Variants in ANKRD18B observed in about 807,000 individuals in gnomAD.
ANKRD18B encodes the protein ankyrin repeat domain-containing protein 18B.
Under a neutral mutation model 111.8 loss-of-function variants are expected in ANKRD18B, and 75 were observed. The observed-to-expected ratio is 0.67, with a 90% CI of 0.56 to 0.81. The LOEUF (loss-of-function observed/expected upper bound fraction) is 0.81, where lower values mean the gene tolerates loss of function less well. ANKRD18B is among the 40% of genes least tolerant of loss of function. ANKRD18B has a pLI of 0.00. For synonymous variants in ANKRD18B, 356 were observed against 417.3 expected, an observed-to-expected ratio of 0.85 and a Z score of 1.79; for missense variants, 1,038 against 1,225.5, an observed-to-expected ratio of 0.85 and a Z score of 2.28.
intron 5 of ANKRD18B, among the ~76,000 whole-genome samples, chr9:33,535,273 A>T (rs1243830899): frequency 6.6e-6 from 1 of 151,622 alleles, no homozygotes; most frequent in Non-Finnish European, 1.5e-5. Flanking sequence ...CCACAGCTAC[A>T]GTGTTTTGTT....
At chr9:33,565,771 C>T (rs1010675669) in intron 14 of ANKRD18B, among the ~76,000 whole-genome samples, 12 of 152,078 alleles carry the variant, frequency 7.9e-5, no homozygotes, top group Non-Finnish European at 1.0e-4. Flanking sequence ...CCATGCCTAG[C>T]GTAGAGTATT....
rs761412790 is a variant in ANKRD18B at position 33,528,996 on chromosome 9, A to G, written c.322-4A>G. The G allele has an allele frequency of 1.4e-5, 22 of 1,612,532 alleles. No homozygotes were observed. In the African/African-American group the frequency reaches 2.7e-4, roughly 20 times the overall value. On this transcript the variant is annotated splice_region_variant and splice_polypyrimidine_tract_variant and intron_variant, in intron 2 of 18. Transcript: ENST00000684830. ...TAGTCTAGTTTTTTATCTAACACTA[A>G]TAGGCTGTACACTGCCAGGAAGAGG...
intron 11 of ANKRD18B, among the ~76,000 whole-genome samples, chr9:33,549,375 G>C (rs984275589): frequency 2.0e-5 from 3 of 152,132 alleles, no homozygotes; most frequent in Admixed American, 2.0e-4. Flanking sequence ...CCTATGAAAT[G>C]TTAGTAGATG....
chr9:33,534,367 T>C lies in ANKRD18B; in HGVS notation c.603-3T>C. 1 of 1,532,266 alleles carries C rather than the reference T, an allele frequency of 6.5e-7. No individual in the cohort carries two copies. Among genetic ancestry groups the C allele is most frequent in the African/African-American group, 1.4e-5 (1 of 72,100 alleles). 94.9% of individuals were successfully genotyped at this position (1,532,266 alleles called of 1,614,324 possible). A position where few individuals can be genotyped will look rare whatever the true frequency, so the allele number is the denominator to read the frequency against. ...GAGTGCTGTTATTTCTTTATTGTTT[T>C]AGAACAGCCCTCATACTTGCAGTAC... On this transcript the variant is annotated splice_region_variant and splice_polypyrimidine_tract_variant and intron_variant, in intron 4 of 18. Transcript: ENST00000684830.
chr9:33,563,199 T>C (rs534606453), intron 14 of ANKRD18B, among the ~76,000 whole-genome samples: 7 of 152,200 alleles, frequency 4.6e-5, no homozygotes, highest in Non-Finnish European at 8.8e-5. Context: ...ACCTAAGTTG[T>C]TTCCTGTTGT....
rs775265202 is a variant in ANKRD18B at position 33,550,461 on chromosome 9, TC to T, written c.2100del (p.Asp701IlefsTer36). The T allele has an allele frequency of 8.4e-6, 13 of 1,546,616 alleles. No individual in the cohort carries two copies. In the South Asian group the frequency reaches 1.6e-4, roughly 19 times the overall value. ...VIVREFQEEL[V>X]DHLKKFSMSE... ...GTGAGAGAATTTCAAGAAGAACTGG[TC>T]GATCATCTTAAAAAATTTTCAATGT... is the stretch of plus-strand genomic sequence containing the variant. On this transcript the variant is annotated frameshift_variant, in exon 12 of 19. Transcript: ENST00000684830. LOFTEE classifies it high-confidence loss of function.
At chr9:33,530,362 T>A (rs2117979341) in intron 3 of ANKRD18B, among the ~76,000 whole-genome samples, 1 of 152,230 alleles carries the variant, frequency 6.6e-6, no homozygotes, top group African/African-American at 2.4e-5. Context: ...TCCCAGCTAC[T>A]CAGGAGGCTG....
At chr9:33,556,119 G>A (rs551220895) in intron 13 of ANKRD18B, among the ~76,000 whole-genome samples, 98 of 152,248 alleles carry the variant, frequency 6.4e-4, no homozygotes, top group African/African-American at 2.2e-3. Flanking sequence ...GAGTCCAATG[G>A]AAGGGGAGAA....
At chr9:33,542,871 T>C (rs1420204154) in intron 9 of ANKRD18B, among the ~76,000 whole-genome samples, 1 of 152,182 alleles carries the variant, frequency 6.6e-6, no homozygotes, top group Non-Finnish European at 1.5e-5. Flanking sequence ...TTACTTTATG[T>C]GTTTTTACTG....
At position 33,548,430 on chromosome 9, in the gene ANKRD18B, C is replaced by T. The variant is rs774622425; in HGVS notation, c.1642C>T (p.His548Tyr). ...DKNELLTEQV[H>Y]KARVKFNTLK... ...GAATGAGTTGCTTACTGAACAGGTC[C>T]ATAAAGCTCGGGTGAAGTTCAATAC... The change falls in exon 11 of 19, where the codon CAT becomes TAT. Residue 548 changes from histidine to tyrosine, a missense_variant. By Grantham distance (83) the His-to-Tyr change is moderately conservative. This residue lies in a region of ANKRD18B where 524 missense variants were observed against 677.9 expected (regional missense o/e 0.77). Transcript: ENST00000684830. The T allele has an allele frequency of 6.4e-7, 1 of 1,551,170 alleles. No individual in the cohort carries two copies. The highest frequency in any genetic ancestry group is 1.2e-5 in the South Asian group (1 of 83,982).
chr9:33,526,738 T>C (rs1828030386), intron 1 of ANKRD18B, among the ~76,000 whole-genome samples: 1 of 152,178 alleles, frequency 6.6e-6, no homozygotes, highest in African/African-American at 2.4e-5. Context: ...TTGCAGATTT[T>C]ATGTATATAC....
chr9:33,549,150 T>C (rs1828411888), intron 11 of ANKRD18B, among the ~76,000 whole-genome samples: 1 of 152,218 alleles, frequency 6.6e-6, no homozygotes, highest in Non-Finnish European at 1.5e-5. Flanking sequence ...CACGACACAG[T>C]AAATTTACTA....
At chr9:33,559,852 C>T (rs1177494110) in intron 14 of ANKRD18B, among the ~76,000 whole-genome samples, 1 of 152,042 alleles carries the variant, frequency 6.6e-6, no homozygotes, top group Admixed American at 6.6e-5. Context: ...ATATACAAGT[C>T]ATTCAATTTT....
intron 14 of ANKRD18B, 114 bp from the exon 15 acceptor site, chr9:33,566,105 C>T: frequency 1.1e-6 from 1 of 948,984 alleles, no homozygotes; most frequent in Non-Finnish European, 1.6e-6. Flanking sequence ...GAATCTACTA[C>T]ATTATAGATA....
At chr9:33,529,600 G>A (rs1199584234) in intron 3 of ANKRD18B, among the ~76,000 whole-genome samples, 2 of 152,098 alleles carry the variant, frequency 1.3e-5, no homozygotes, top group Admixed American at 6.5e-5. Flanking sequence ...GGTTTAAGAC[G>A]GAAAAATAGG....
intron 14 of ANKRD18B, 138 bp downstream of exon 14, chr9:33,558,325 G>A: frequency 2.0e-6 from 2 of 985,160 alleles, no homozygotes; most frequent in East Asian, 2.9e-5. Flanking sequence ...AGCCCCGTAG[G>A]CATTAGCTAT....
chr9:33,530,257 C>T (rs1828091318), intron 3 of ANKRD18B, among the ~76,000 whole-genome samples: 1 of 152,046 alleles, frequency 6.6e-6, no homozygotes, highest in South Asian at 2.1e-4. Context: ...GTAGGCTTTC[C>T]CCTGAGGATT....
intron 10 of ANKRD18B, among the ~76,000 whole-genome samples, chr9:33,544,983 G>A: frequency 6.6e-6 from 1 of 152,198 alleles, no homozygotes; most frequent in Non-Finnish European, 1.5e-5. Flanking sequence ...GTAATCTGAT[G>A]AATCCTATCC....
At chr9:33,556,847 G>A (rs1828534628) in intron 13 of ANKRD18B, among the ~76,000 whole-genome samples, 1 of 151,712 alleles carries the variant, frequency 6.6e-6, no homozygotes, top group South Asian at 2.1e-4. Flanking sequence ...ATTTTACATG[G>A]GTAGCTCCAT....
Sources: allele counts gnomAD v4.1 joint callset (sites outside exome capture counted in the v4.1 genomes callset), GRCh38; gene constraint gnomAD v4.1.1; regional missense constraint gnomAD v4.1.1; transcripts MANE v1.5; gene names NCBI Gene and HGNC (gene_info 2026-07-23, HGNC 2026-07-21).